RABGAP1: variants seen among roughly 807,000 people sequenced by gnomAD.
RABGAP1 encodes the protein RAB GTPase activating protein 1.
A neutral mutation model predicts 137.6 loss-of-function variants in RABGAP1; 23 were observed. The ratio of observed to expected loss-of-function variants is 0.17; its 90% CI spans 0.12 to 0.24. The LOEUF (loss-of-function observed/expected upper bound fraction) is 0.24. RABGAP1 is among the 10% of genes least tolerant of loss of function. The probability of loss-of-function intolerance (pLI) is 1.00; values close to 1 mark genes in which losing one functional copy is unlikely to be tolerated. For missense variants in RABGAP1, 906 were observed against 1,275.8 expected (o/e 0.71, Z 4.42); for synonymous variants, 451 against 450.7 (o/e 1.00, Z -0.01).
At chr9:122,933,456 A>G in the RABGAP1 span, among the ~76,000 whole-genome samples, 1 of 148,918 alleles carries the variant, frequency 6.7e-6, no homozygotes, top group Non-Finnish European at 1.5e-5. Flanking sequence ...TATTATTATT[A>G]TTATTATTAT....
chr9:123,090,399 G>T lies in RABGAP1; in HGVS notation c.2628+14G>T. ...GACCTGGATAACGTAAGTCCAACGG[G>T]TCTGAAGGGAAAGATCTCACTGAGA... On this transcript the variant is annotated intron_variant, in intron 21 of 25. Transcript: ENST00000373647. The T allele has an allele frequency of 6.4e-7, 1 of 1,574,162 alleles. No homozygotes were observed.
At chr9:123,069,272 G>T (rs1241193140) in intron 14 of RABGAP1, among the ~76,000 whole-genome samples, 4 of 152,182 alleles carry the variant, frequency 2.6e-5, no homozygotes, top group Admixed American at 2.6e-4. Flanking sequence ...GTTGTGGAAA[G>T]AATTATATTT....
In RABGAP1 at chr9:123,103,259, T is replaced by C. The variant is rs776067325; in HGVS notation, c.*46T>C. 1 of 1,608,342 alleles carries C rather than the reference T, an allele frequency of 6.2e-7. No individual in the cohort carries two copies. Among genetic ancestry groups the C allele is most frequent in the Non-Finnish European group, 8.5e-7 (1 of 1,177,498 alleles). On this transcript the variant is annotated 3_prime_UTR_variant, in exon 26 of 26. Coordinates refer to ENST00000373647, the MANE Select transcript of RABGAP1 (RefSeq NM_012197.4). ...CACCTTCAGAAAACACGACACCTTT[T>C]GTTGCCTTCTTTGGCCAGATGTGTG... is the stretch of plus-strand genomic sequence containing the variant.
chr9:122,973,558 T>C (rs975364282), intron 2 of RABGAP1, among the ~76,000 whole-genome samples: 2 of 152,200 alleles, frequency 1.3e-5, no homozygotes, highest in African/African-American at 2.4e-5. Flanking sequence ...TTAAACTCTT[T>C]AATCCTCATA....
intron 2 of RABGAP1, among the ~76,000 whole-genome samples, chr9:122,983,458 A>G (rs1280742427): frequency 6.6e-6 from 1 of 152,222 alleles, no homozygotes; most frequent in East Asian, 1.9e-4. Context: ...AATTTGCAGC[A>G]CAAGAGACTT....
At position 123,059,795 on chromosome 9, in the gene RABGAP1, T is replaced by C. The variant is rs116218985; in HGVS notation, c.1795-5553T>C. Among the ~76,000 whole-genome samples, 1,476 of 152,286 alleles carry C rather than the reference T, an allele frequency of 9.7e-3. 27 individuals carry two copies. The highest frequency in any genetic ancestry group is 0.034 in the African/African-American group (1,405 of 41,546). ...ACCAAACACTGAATTTTCCAGCATC[T>C]TGATCTTGGAATTTCCAGCCTCCCA... On this transcript the variant is annotated intron_variant, in intron 13 of 25. Coordinates refer to ENST00000373647, the MANE Select transcript of RABGAP1 (RefSeq NM_012197.4).
intron 11 of RABGAP1, among the ~76,000 whole-genome samples, chr9:123,014,150 T>G (rs2031038295): frequency 1.3e-5 from 2 of 152,232 alleles, no homozygotes; most frequent in African/African-American, 2.4e-5. Flanking sequence ...TCTCTGAGTG[T>G]CAAGCAAGAG....
At chr9:123,086,807 A>G (rs1190902917) in intron 19 of RABGAP1, among the ~76,000 whole-genome samples, 1 of 152,190 alleles carries the variant, frequency 6.6e-6, no homozygotes, top group Non-Finnish European at 1.5e-5. Context: ...AAGTCTGTGA[A>G]GACAGCAGAG....
At chr9:123,034,853 T>G in intron 13 of RABGAP1, 1 of 1,614,098 alleles carries the variant, frequency 6.2e-7, no homozygotes, top group African/African-American at 1.3e-5. Context: ...CCCCTTCCAG[T>G]AGAGGAGTCC....
chr9:122,948,885 T>C (rs902393360), intron 1 of RABGAP1, among the ~76,000 whole-genome samples: 14 of 152,186 alleles, frequency 9.2e-5, no homozygotes, highest in African/African-American at 3.4e-4. Flanking sequence ...AGCCATGAAG[T>C]ATATTCAACC....
intron 5 of RABGAP1, chr9:122,989,813 C>G: frequency 2.0e-6 from 1 of 506,686 alleles, no homozygotes; most frequent in Non-Finnish European, 3.4e-6. Context: ...TAGTTTCTAA[C>G]AATTTAGGAA....
intron 6 of RABGAP1, among the ~76,000 whole-genome samples, chr9:122,995,609 C>A (rs1393935708): frequency 7.5e-6 from 1 of 133,820 alleles, no homozygotes; most frequent in Non-Finnish European, 1.5e-5. Flanking sequence ...CGCTCTGTCA[C>A]CCATGCTGGA....
chr9:122,996,683 A>G, intron 8 of RABGAP1, 78 bp downstream of exon 8: 1 of 1,196,784 alleles, frequency 8.4e-7, no homozygotes, highest in Non-Finnish European at 1.2e-6. Flanking sequence ...ATCTGAATCT[A>G]GTGTTAAAAC....
chr9:122,990,193 T>A lies in RABGAP1; in HGVS notation c.903T>A (p.Asp301Glu). 6.2e-7 allele frequency: 1 copy of A among 1,609,212 alleles called. No homozygotes were observed. Residue 301 changes from aspartate (D) to glutamate (E), a missense_variant, in exon 6 of 26, where the codon GAT becomes GAA. By Grantham distance (45) the Asp-to-Glu change is conservative. Transcript: ENST00000373647. ...CTGTGTCTTTAGAAATAAAAGAAGA[T>A]GATGGTAAAGGTTATTTTAGGTAGG... ...TFSVSLEIKE[D>E]DGKGYFSAVP... is the part of the protein sequence containing the mutation.
intron 1 of RABGAP1, among the ~76,000 whole-genome samples, chr9:122,948,042 A>AAACACAC (rs1444013217): frequency 6.8e-6 from 1 of 146,046 alleles, no homozygotes; most frequent in African/African-American, 2.6e-5. Flanking sequence ...GAGCCAGGAA[A>AAACACAC]ACACACACAC....
rs2034986230 is a variant in RABGAP1, at chr9:123,089,935, T to C, written c.2517+85T>C. The C allele has an allele frequency of 2.5e-6, 3 of 1,199,856 alleles. No homozygotes were observed. In the South Asian group the frequency reaches 4.1e-5, roughly 16 times the overall value. The allele number at this position is 1,199,856 out of a possible 1,614,324, so 74.3% of individuals were successfully genotyped here. On this transcript the variant is annotated intron_variant, in intron 20 of 25. Transcript: ENST00000373647. ...GCCTGTAACTAGCTTTATTGAGTCC[T>C]TTTTAAAATTCAATTCCTCTGTAGG...
intron 7 of RABGAP1, 98 bp from the exon 8 acceptor site, chr9:122,996,441 C>T: frequency 1.6e-6 from 2 of 1,240,778 alleles, no homozygotes; most frequent in Non-Finnish European, 2.3e-6. Context: ...AATGTGTTCT[C>T]TTTTCTATCA....
At chr9:123,094,259 A>G (rs1333593466) in intron 21 of RABGAP1, among the ~76,000 whole-genome samples, 1 of 152,200 alleles carries the variant, frequency 6.6e-6, no homozygotes, top group African/African-American at 2.4e-5. Context: ...ACTGACTAGC[A>G]TCTTCAGAAT....
chr9:122,999,018 C>A (rs1837187056), intron 10 of RABGAP1, among the ~76,000 whole-genome samples: 1 of 152,150 alleles, frequency 6.6e-6, no homozygotes, highest in Admixed American at 6.5e-5. Flanking sequence ...AAGTATAGAT[C>A]TGCTAAAGAT....
Sources: gnomAD v4.1 joint callset for allele counts (sites outside exome capture counted in the v4.1 genomes callset) on GRCh38, gnomAD v4.1.1 for gene constraint, MANE v1.5 for transcripts, NCBI Gene and HGNC (gene_info 2026-07-23, HGNC 2026-07-21) for gene names.